Variants in TNRC18 observed in about 807,000 individuals in gnomAD.
TNRC18 encodes trinucleotide repeat-containing gene 18 protein.
TNRC18 carries 69 observed loss-of-function variants against 226.7 expected under a neutral mutation model. The ratio of observed to expected loss-of-function variants is 0.30; its 90% CI spans 0.25 to 0.37. TNRC18 has a LOEUF of 0.37. TNRC18 is among the 10% of genes least tolerant of loss of function. The pLI is 1.00. For synonymous variants in TNRC18, 2,449 were observed against 1,927.6 expected (o/e 1.27, Z -7.09); for missense variants, 4,754 against 4,256.6 (o/e 1.12, Z -3.25).
intron 19 of TNRC18, among the ~76,000 whole-genome samples, chr7:5,330,285 G>C (rs1045188449): frequency 1.3e-5 from 2 of 151,950 alleles, no homozygotes. Flanking sequence ...GCTGGAGTGA[G>C]GCAGTATGAT....
At chr7:5,333,679 G>T (rs951334926) in intron 18 of TNRC18, among the ~76,000 whole-genome samples, 1 of 151,854 alleles carries the variant, frequency 6.6e-6, no homozygotes, top group Admixed American at 6.6e-5. Context: ...CCCAGCACTC[G>T]CCCAGCACCC....
chr7:5,320,701 G>C, intron 22 of TNRC18, 94 bp from the exon 23 acceptor site: 2 of 1,043,822 alleles, frequency 1.9e-6, no homozygotes, highest in African/African-American at 1.6e-5. Context: ...TAGACCACTG[G>C]GAGGTAACAC....
At chr7:5,385,657 G>A (rs1327451550) in intron 5 of TNRC18, among the ~76,000 whole-genome samples, 5 of 131,862 alleles carry the variant, frequency 3.8e-5, no homozygotes, top group African/African-American at 8.5e-5. Flanking sequence ...GCACTCCAGC[G>A]TGGTGACAGA....
chr7:5,387,646 G>A (rs781319379), intron 5 of TNRC18, 26 bp downstream of exon 5: 8 of 1,600,358 alleles, frequency 5.0e-6, no homozygotes, highest in East Asian at 2.2e-5. Flanking sequence ...GATCCTACCC[G>A]CACCTGGGCT....
At position 5,334,947 on chromosome 7, in the gene TNRC18, C is replaced by T. The variant is rs375111009; in HGVS notation, c.5720-1898G>A. 2.2e-4 allele frequency among the ~76,000 whole-genome samples: 33 copies of T among 152,188 alleles called. 1 individual carries two copies. Among genetic ancestry groups the T allele is most frequent in the African/African-American group, 7.2e-4 (30 of 41,532 alleles). On this transcript the variant is annotated intron_variant, in intron 18 of 29. Transcript: ENST00000430969. ...GGCCCACATAGAAAAGAAATAGAGT[C>T]CCGCTGACCTCAGCACCAGGAAAGA... is the stretch of plus-strand genomic sequence containing the variant.
rs1348483407 is a variant in TNRC18, at chr7:5,388,000, G to A, written c.1824C>T (p.Gly608=). ...CCAAACCTCCAAAGGGGCTCTTCTTGCCACAGCCACCAGGGCGCACGGCCA... is the reference window on the plus strand; with the variant it reads ...CCAAACCTCCAAAGGGGCTCTTCTTACCACAGCCACCAGGGCGCACGGCCA... ...DAVAVRPGGC[G]KKSPFGGLGT... Residue 608 remains glycine (G), a synonymous_variant, in exon 5 of 30, where the codon GGC becomes GGT. Transcript: ENST00000430969. 6.3e-7 allele frequency: 1 copy of A among 1,586,586 alleles called. No homozygotes were observed. Among genetic ancestry groups the A allele is most frequent in the Non-Finnish European group, 8.6e-7 (1 of 1,167,726 alleles).
At chr7:5,323,047 G>A (rs1017391902) in intron 21 of TNRC18, among the ~76,000 whole-genome samples, 17 of 152,188 alleles carry the variant, frequency 1.1e-4, no homozygotes, top group African/African-American at 4.1e-4. Flanking sequence ...CTGACCCCTG[G>A]CCAGCCCATC....
At chr7:5,401,493 C>A (rs148928580) in intron 2 of TNRC18, among the ~76,000 whole-genome samples, 1 of 152,172 alleles carries the variant, frequency 6.6e-6, no homozygotes, top group African/African-American at 2.4e-5. Flanking sequence ...TACCCTGCCA[C>A]GCCCTTTCCT....
At chr7:5,364,691 C>G (rs976152932) in intron 11 of TNRC18, among the ~76,000 whole-genome samples, 50 of 151,306 alleles carry the variant, frequency 3.3e-4, no homozygotes, top group African/African-American at 1.1e-3. Context: ...GTAATCCCAG[C>G]TACTTGGGAG....
At chr7:5,409,715 C>T (rs1191303866) in intron 2 of TNRC18, among the ~76,000 whole-genome samples, 3 of 151,632 alleles carry the variant, frequency 2.0e-5, no homozygotes, top group East Asian at 1.9e-4. Context: ...CAGTGGCTCA[C>T]GCTTGTAATC....
rs753310613 is a variant in TNRC18, at chr7:5,321,135, G to A, written c.6498C>T (p.Leu2166=). ...ACAGCAGCTTGTCATCCATGGGGAT[G>A]AGCACACGCAGGCCGTCCTTCAGCT... The part of the protein sequence containing the change: ...KDELKDGLRV[L]IPMDDKLLYA... The change falls in exon 22 of 30, where the codon CTC becomes CTT. Residue 2166 remains leucine (L), a synonymous_variant. Transcript: ENST00000430969. 6 of 1,555,312 alleles carry A rather than the reference G, an allele frequency of 3.9e-6. No individual in the cohort carries two copies. The highest frequency in any genetic ancestry group is 1.7e-6 in the Non-Finnish European group (2 of 1,150,370).
chr7:5,387,601 C>T, intron 5 of TNRC18, 71 bp downstream of exon 5: 1 of 1,570,152 alleles, frequency 6.4e-7, no homozygotes, highest in East Asian at 2.2e-5. Context: ...AAAGGGCCCA[C>T]ACTGTAATGT....
chr7:5,361,884 G>A lies in TNRC18; in HGVS notation c.4532+13C>T. 2 of 1,544,818 alleles carry A rather than the reference G, an allele frequency of 1.3e-6. No homozygotes were observed. Among genetic ancestry groups the A allele is most frequent in the Non-Finnish European group, 1.7e-6 (2 of 1,146,254 alleles). On this transcript the variant is annotated intron_variant, in intron 13 of 29. Transcript: ENST00000430969. ...GGCAGGGGCCCCACGGGGCGGGCGG[G>A]GGACACACTCACTCGGAGTCCCGGC...
At chr7:5,338,518 G>A (rs553678173) in intron 18 of TNRC18, among the ~76,000 whole-genome samples, 88 of 151,074 alleles carry the variant, frequency 5.8e-4, no homozygotes, top group Middle Eastern at 3.4e-3. Context: ...GGCCAAAGTG[G>A]GCAGATCATC....
rs747396362 is a variant in TNRC18 at position 5,361,771 on chromosome 7, C to T, written c.4533-49G>A. ...CTGTGACGCTGGGGGGCGGGCGGGG[C>T]GCGGAGAACGGGCACACGATGCACA... On this transcript the variant is annotated intron_variant, in intron 13 of 29. Transcript: ENST00000430969. 18 of 1,544,428 alleles carry T rather than the reference C, an allele frequency of 1.2e-5. No individual in the cohort carries two copies. In the Admixed American group the frequency reaches 1.8e-4, roughly 15 times the overall value.
chr7:5,418,645 A>G (rs1782341112), intron 2 of TNRC18, among the ~76,000 whole-genome samples: 1 of 152,230 alleles, frequency 6.6e-6, no homozygotes, highest in African/African-American at 2.4e-5. Context: ...ACTTCCCGGT[A>G]CAAAAATAAA....
chr7:5,325,738 T>C (rs1788855395), intron 19 of TNRC18, among the ~76,000 whole-genome samples: 1 of 142,100 alleles, frequency 7.0e-6, no homozygotes, highest in South Asian at 2.3e-4. Flanking sequence ...TTTTTTTTTT[T>C]TTTTTTTTTT....
At chr7:5,382,969 T>G (rs1428561235) in intron 5 of TNRC18, among the ~76,000 whole-genome samples, 1 of 152,238 alleles carries the variant, frequency 6.6e-6, no homozygotes, top group Admixed American at 6.5e-5. Flanking sequence ...GCGATCTCAC[T>G]GCAGCCTCGA....
intron 2 of TNRC18, among the ~76,000 whole-genome samples, chr7:5,400,764 C>T (rs12667469): frequency 0.24 from 37,138 of 151,954 alleles, 5,711 homozygotes; most frequent in East Asian, 0.8. Context: ...TGTAGCCTGG[C>T]GTGGTGGCTC....
Sources: gnomAD v4.1 joint callset for allele counts (sites outside exome capture counted in the v4.1 genomes callset) on GRCh38, gnomAD v4.1.1 for gene constraint, MANE v1.5 for transcripts, NCBI Gene and HGNC (gene_info 2026-07-23, HGNC 2026-07-21) for gene names.